HECW1: variants seen among roughly 807,000 people sequenced by gnomAD.
HECW1 encodes E3 ubiquitin-protein ligase HECW1.
In HECW1, 61 loss-of-function variants were observed where a neutral mutation model predicts 182.3. The observed-to-expected ratio is 0.33, with a 90% CI of 0.27 to 0.41. HECW1 has a LOEUF of 0.41. Ranked by LOEUF, HECW1 falls within the 10% of genes least tolerant of loss-of-function variation. The pLI, the probability that HECW1 is intolerant of heterozygous loss-of-function variation, is 1.00. For missense variants in HECW1, 1,739 were observed against 2,108.9 expected (o/e 0.82, Z 3.44); for synonymous variants, 859 against 832.6 (o/e 1.03, Z -0.55).
intron 2 of HECW1, among the ~76,000 whole-genome samples, chr7:43,213,310 T>C (rs1048715955): frequency 6.6e-6 from 1 of 152,168 alleles, no homozygotes; most frequent in Non-Finnish European, 1.5e-5. Flanking sequence ...GATAAGAGAC[T>C]TTATCATAAA....
chr7:43,454,613 G>C (rs114023619), intron 12 of HECW1, among the ~76,000 whole-genome samples: 30 of 152,174 alleles, frequency 2.0e-4, no homozygotes, highest in African/African-American at 6.7e-4. Flanking sequence ...GTTAAGTTTG[G>C]TGTTTGGGGA....
chr7:43,347,216 T>A (rs1030117823), intron 5 of HECW1, among the ~76,000 whole-genome samples: 1 of 152,184 alleles, frequency 6.6e-6, no homozygotes, highest in African/African-American at 2.4e-5. Context: ...AACTCCTTGG[T>A]TAGGTATATT....
chr7:43,488,386 GGAAGGAAGGAAGGAAAT>G (rs2078748868), intron 17 of HECW1, among the ~76,000 whole-genome samples: 3 of 54,626 alleles, frequency 5.5e-5, no homozygotes, highest in Non-Finnish European at 8.5e-5. Context: ...AAGGAAGGAA[GGAAGGAAGGAAGGAAAT>G]GAAAGAAAGA....
At chr7:43,561,174 C>A (rs1055806522) in intron 29 of HECW1, among the ~76,000 whole-genome samples, 2 of 152,210 alleles carry the variant, frequency 1.3e-5, no homozygotes, top group Non-Finnish European at 1.5e-5. Context: ...ACTGGCCATG[C>A]AGGAGGAAGC....
intron 5 of HECW1, among the ~76,000 whole-genome samples, chr7:43,320,980 G>C (rs1810043395): frequency 6.6e-6 from 1 of 152,190 alleles, no homozygotes; most frequent in Non-Finnish European, 1.5e-5. Context: ...AGAAAGAGTT[G>C]GTTCCTATTC....
chr7:43,447,587 T>C (rs138712041), intron 11 of HECW1, among the ~76,000 whole-genome samples: 378 of 152,338 alleles, frequency 2.5e-3, no homozygotes, highest in Non-Finnish European at 4.6e-3. Flanking sequence ...ATGCACACGC[T>C]GGCATGTGAC....
At chr7:43,334,768 G>A (rs1367424675) in intron 5 of HECW1, among the ~76,000 whole-genome samples, 4 of 152,124 alleles carry the variant, frequency 2.6e-5, no homozygotes, top group African/African-American at 9.7e-5. Flanking sequence ...CACCTTAGAG[G>A]GGAGAAATTG....
At chr7:43,496,261 T>C (rs2079118843) in intron 19 of HECW1, among the ~76,000 whole-genome samples, 3 of 151,378 alleles carry the variant, frequency 2.0e-5, no homozygotes, top group African/African-American at 7.3e-5. Flanking sequence ...ATGGAAGCAC[T>C]TATGGACTCT....
At chr7:43,498,467 A>G (rs572703888) in intron 19 of HECW1, among the ~76,000 whole-genome samples, 3 of 152,330 alleles carry the variant, frequency 2.0e-5, no homozygotes, top group African/African-American at 7.2e-5. Flanking sequence ...GGCCAAAATC[A>G]TTAAATTAGA....
intron 2 of HECW1, among the ~76,000 whole-genome samples, chr7:43,187,927 C>T (rs1239723508): frequency 2.6e-5 from 4 of 152,156 alleles, no homozygotes; most frequent in Non-Finnish European, 4.4e-5. Context: ...CCATCTGTTA[C>T]CAAGCAGGCA....
intron 12 of HECW1, among the ~76,000 whole-genome samples, chr7:43,454,382 A>G (rs2077332576): frequency 6.6e-6 from 1 of 152,208 alleles, no homozygotes; most frequent in Admixed American, 6.5e-5. Context: ...GCTTTTACTA[A>G]TATTAGTTTG....
intron 24 of HECW1, chr7:43,523,149 G>A (rs1174285816): frequency 9.4e-6 from 3 of 320,024 alleles, no homozygotes; most frequent in South Asian, 4.6e-5. Flanking sequence ...GATTACAGGT[G>A]TGTGCCACCA....
At chr7:43,553,688 A>AAAGG (rs369905426) in intron 28 of HECW1, among the ~76,000 whole-genome samples, 1 of 136,342 alleles carries the variant, frequency 7.3e-6, no homozygotes, top group African/African-American at 2.7e-5. Flanking sequence ...AAAAAAAAAA[A>AAAGG]GTCTCTGCCT....
intron 2 of HECW1, among the ~76,000 whole-genome samples, chr7:43,136,714 C>G (rs979016711): frequency 8.5e-5 from 13 of 152,170 alleles, no homozygotes; most frequent in African/African-American, 3.1e-4. Flanking sequence ...GCAATCCAAC[C>G]CATCCAAACT....
Position 43,508,970 on chromosome 7 carries a change from C to G in HECW1, c.3868C>G (p.Leu1290Val). 3.1e-6 allele frequency: 5 copies of G among 1,613,388 alleles called. No homozygotes were observed. Among genetic ancestry groups the G allele is most frequent in the Non-Finnish European group, 4.2e-6 (5 of 1,179,808 alleles). Residue 1290 changes from leucine to valine, a missense_variant and splice_region_variant, in exon 24 of 30, where the codon CTG (leucine) becomes GTG (valine). By Grantham distance (32) the Leu-to-Val change is conservative. Transcript: ENST00000395891. ...CCTGGACCTCTGCTTTCTTTGCAGCCTGGACTACAGTGGCCCCTCGCGGGA... is the reference window on the plus strand; with the variant it reads ...CCTGGACCTCTGCTTTCTTTGCAGCGTGGACTACAGTGGCCCCTCGCGGGA... ...LYVTFVGEEG[L>V]DYSGPSREFF... is the part of the protein sequence containing the mutation.
intron 10 of HECW1, among the ~76,000 whole-genome samples, chr7:43,443,051 T>A (rs1408443068): frequency 6.6e-6 from 1 of 152,204 alleles, no homozygotes; most frequent in Admixed American, 6.5e-5. Flanking sequence ...GAACTATAAT[T>A]GTACAATGAA....
At chr7:43,435,756 TG>T (rs1389604518) in intron 8 of HECW1, among the ~76,000 whole-genome samples, 1 of 152,166 alleles carries the variant, frequency 6.6e-6, no homozygotes, top group Non-Finnish European at 1.5e-5. Context: ...CCCTGAGACT[TG>T]GAAGTTGGCT....
intron 12 of HECW1, among the ~76,000 whole-genome samples, chr7:43,453,080 C>A (rs1369887785): frequency 1.3e-5 from 2 of 152,118 alleles, no homozygotes; most frequent in East Asian, 1.9e-4. Context: ...TTACTCTGAA[C>A]GAAAGGAGGA....
At chr7:43,522,031 G>A (rs939719585) in intron 24 of HECW1, among the ~76,000 whole-genome samples, 1 of 152,200 alleles carries the variant, frequency 6.6e-6, no homozygotes, top group Non-Finnish European at 1.5e-5. Flanking sequence ...TGAGGATACC[G>A]CAAGGTGTCC....
Sources: allele counts gnomAD v4.1 joint callset (sites outside exome capture counted in the v4.1 genomes callset), GRCh38; gene constraint gnomAD v4.1.1; transcripts MANE v1.5; gene names NCBI Gene and HGNC (gene_info 2026-07-23, HGNC 2026-07-21).